Variants in CCL28 observed in about 807,000 individuals in gnomAD.
CCL28 encodes the protein C-C motif chemokine 28.
Under a neutral mutation model 7.1 loss-of-function variants are expected in CCL28, and 4 were observed. That is an observed-to-expected ratio of 0.56 (90% CI 0.28 to 1.29). CCL28 has a LOEUF of 1.29. Among genes scored for constraint, CCL28 ranks in the 50% most tolerant of loss-of-function variants. The pLI is 0.11. For synonymous variants in CCL28, 55 were observed against 57.8 expected (o/e 0.95, Z 0.22); for missense variants, 151 against 163.4 (o/e 0.92, Z 0.41).
chr5:43,373,943 T>C (rs1006614020), downstream of CCL28, among the ~76,000 whole-genome samples: 1 of 152,216 alleles, frequency 6.6e-6, no homozygotes, highest in Non-Finnish European at 1.5e-5. Flanking sequence ...GCTGAGGGCA[T>C]GAAAAGTCTG....
At chr5:43,407,979 G>C (rs1741363036) in intron 1 of CCL28, among the ~76,000 whole-genome samples, 1 of 152,184 alleles carries the variant, frequency 6.6e-6, no homozygotes, top group South Asian at 2.1e-4. Flanking sequence ...TCATTCAAAA[G>C]TCAGGAAACA....
the CCL28 span, among the ~76,000 whole-genome samples, chr5:43,367,728 C>A: frequency 3.3e-4 from 50 of 152,116 alleles, no homozygotes; most frequent in Admixed American, 1.4e-3. Context: ...TGAGGTGAGC[C>A]ATGTACCTCA....
In CCL28 at chr5:43,380,918, T is replaced by C. The variant is rs1740085890; in HGVS notation, c.*942A>G. On this transcript the variant is annotated 3_prime_UTR_variant, in exon 3 of 3. Transcript: ENST00000361115. ...CAATATGTATGTCAACCTTGATTGA[T>C]TACTGGAGTGAAAAAAAAACTACAT... The C allele has an allele frequency of 6.6e-6, 1 of 152,078 alleles. No homozygotes were observed. Among genetic ancestry groups the C allele is most frequent in the African/African-American group, 2.4e-5 (1 of 41,416 alleles). 9.4% of individuals were successfully genotyped at this position (152,078 alleles called of 1,614,324 possible).
the CCL28 span, among the ~76,000 whole-genome samples, chr5:43,370,333 G>A: frequency 4.0e-5 from 6 of 151,554 alleles, no homozygotes; most frequent in East Asian, 1.9e-4. Context: ...ACATCATATC[G>A]CTTAATCTCT....
chr5:43,359,343 T>C, the CCL28 span, among the ~76,000 whole-genome samples: 68,712 of 152,138 alleles, frequency 0.45, 16,270 homozygotes, highest in Middle Eastern at 0.61. Flanking sequence ...AAAAGTACTC[T>C]TTATGGGAAA....
At chr5:43,368,971 G>A in the CCL28 span, among the ~76,000 whole-genome samples, 1 of 140,126 alleles carries the variant, frequency 7.1e-6, no homozygotes, top group Non-Finnish European at 1.5e-5. Context: ...CAGCAAGTAA[G>A]CCAAGAAGAC....
rs538857059 is a variant in CCL28 at position 43,410,486 on chromosome 5, G to A, written c.64+1767C>T. ...CCAAAAGGCTATTGCTGGGTCTCTCGGCTCCCTTCCTTATTATCACCAGCA... is the reference window on the plus strand; with the variant it reads ...CCAAAAGGCTATTGCTGGGTCTCTCAGCTCCCTTCCTTATTATCACCAGCA... On this transcript the variant is annotated intron_variant, in intron 1 of 2. Coordinates refer to ENST00000361115, the MANE Select transcript of CCL28 (RefSeq NM_148672.3). Among the ~76,000 whole-genome samples, 6 of 152,200 alleles carry A rather than the reference G, an allele frequency of 3.9e-5. No individual in the cohort carries two copies. The East Asian group carries it at 7.7e-4, about 20-fold the overall frequency.
At chr5:43,412,159 T>G (rs2111938113) in intron 1 of CCL28, 94 bp downstream of exon 1, 1 of 840,816 alleles carries the variant, frequency 1.2e-6, no homozygotes, top group Non-Finnish European at 1.8e-6. Context: ...CTTGAAGAGA[T>G]AGATATTCTT....
Position 43,412,367 on chromosome 5 carries a change from C to T in CCL28, c.-51G>A. ...AGCAACACAAGTGAGGCTGTTCGAT[C>T]AGGAAATGAGGCTAAAGGTGTCCTT... On this transcript the variant is annotated 5_prime_UTR_variant, in exon 1 of 3. Coordinates refer to ENST00000361115, the MANE Select transcript of CCL28 (RefSeq NM_148672.3). The T allele has an allele frequency of 6.4e-7, 1 of 1,556,344 alleles. No homozygotes were observed. Among genetic ancestry groups the T allele is most frequent in the Admixed American group, 1.7e-5 (1 of 58,668 alleles).
At chr5:43,368,931 C>T in the CCL28 span, among the ~76,000 whole-genome samples, 4 of 140,868 alleles carry the variant, frequency 2.8e-5, no homozygotes, top group Admixed American at 1.5e-4. Context: ...GTTTGTGGTA[C>T]TTTGTTATGG....
At chr5:43,360,156 G>A in the CCL28 span, among the ~76,000 whole-genome samples, 118 of 152,162 alleles carry the variant, frequency 7.8e-4, no homozygotes, top group African/African-American at 2.6e-3. Flanking sequence ...TTACACTACC[G>A]GGTAATCCTG....
chr5:43,362,089 T>G, the CCL28 span, among the ~76,000 whole-genome samples: 11 of 152,322 alleles, frequency 7.2e-5, no homozygotes, highest in South Asian at 2.3e-3. Context: ...CTTTGGGCAG[T>G]ATGACCATTT....
chr5:43,399,285 G>T (rs1320243685), intron 1 of CCL28, among the ~76,000 whole-genome samples: 1 of 151,962 alleles, frequency 6.6e-6, no homozygotes, highest in Admixed American at 6.6e-5. Flanking sequence ...CTTTCTCCTT[G>T]TTACCACTCT....
intron 1 of CCL28, among the ~76,000 whole-genome samples, chr5:43,393,221 TG>T (rs1740652254): frequency 6.6e-6 from 1 of 152,262 alleles, no homozygotes; most frequent in East Asian, 1.9e-4. Context: ...TTTCAAAAGA[TG>T]GGGGTCCTGC....
At chr5:43,374,766 G>C (rs1297375900), downstream of CCL28, among the ~76,000 whole-genome samples, 1 of 134,728 alleles carries the variant, frequency 7.4e-6, no homozygotes, top group Non-Finnish European at 1.6e-5. Context: ...GGGCGACAGA[G>C]TGAGACTCTG....
chr5:43,357,160 G>T, the CCL28 span, among the ~76,000 whole-genome samples: 1 of 152,132 alleles, frequency 6.6e-6, no homozygotes, highest in East Asian at 1.9e-4. Flanking sequence ...GATTCTTATG[G>T]CAGTGGCAGA....
At chr5:43,403,656 T>G (rs1321153987) in intron 1 of CCL28, among the ~76,000 whole-genome samples, 4 of 151,968 alleles carry the variant, frequency 2.6e-5, no homozygotes, top group Non-Finnish European at 5.9e-5. Context: ...CAAAGCTGGA[T>G]GGAAAATGAC....
chr5:43,373,343 C>T (rs577595864), downstream of CCL28, among the ~76,000 whole-genome samples: 3 of 152,192 alleles, frequency 2.0e-5, no homozygotes, highest in East Asian at 1.9e-4. Context: ...CTCTTTTGCC[C>T]AGGCTGGAGT....
At chr5:43,378,525 G>A (rs904818369), downstream of CCL28, among the ~76,000 whole-genome samples, 2 of 152,120 alleles carry the variant, frequency 1.3e-5, no homozygotes, top group African/African-American at 4.8e-5. Context: ...AAGGATTAAC[G>A]AGGTGATTTA....
Sources: gnomAD v4.1 joint callset for allele counts (sites outside exome capture counted in the v4.1 genomes callset) on GRCh38, gnomAD v4.1.1 for gene constraint, MANE v1.5 for transcripts, NCBI Gene and HGNC (gene_info 2026-07-23, HGNC 2026-07-21) for gene names.